Variants in LOC128092252 observed in about 807,000 individuals in gnomAD.
the LOC128092252 span, among the ~76,000 whole-genome samples, chr15:50,671,783 C>T: frequency 6.6e-6 from 1 of 151,978 alleles, no homozygotes; most frequent in African/African-American, 2.4e-5. Flanking sequence ...ACACTCCAGC[C>T]TGGGTGAGAG....
At chr15:50,681,461 G>A in the LOC128092252 span, among the ~76,000 whole-genome samples, 1 of 152,130 alleles carries the variant, frequency 6.6e-6, no homozygotes, top group East Asian at 1.9e-4. Flanking sequence ...CTAATGTATA[G>A]CCCTATCTTT....
the LOC128092252 span, chr15:50,663,025 T>C: frequency 6.2e-7 from 1 of 1,613,744 alleles, no homozygotes; most frequent in Admixed American, 1.7e-5. Context: ...GTCAAAGTGC[T>C]TTCTATCCAG....
At chr15:50,682,333 G>T in the LOC128092252 span, among the ~76,000 whole-genome samples, 1 of 151,670 alleles carries the variant, frequency 6.6e-6, no homozygotes, top group Non-Finnish European at 1.5e-5. Context: ...CACAGTCCCA[G>T]AAAAACAGGT....
the LOC128092252 span, among the ~76,000 whole-genome samples, chr15:50,676,227 G>T: frequency 6.6e-6 from 1 of 152,086 alleles, no homozygotes; most frequent in African/African-American, 2.4e-5. Context: ...CTGCCTAGAT[G>T]CTGCTAGCAA....
At chr15:50,652,869 AGAAAAGACTAGGCCGGGCACACTG>A in the LOC128092252 span, among the ~76,000 whole-genome samples, 14 of 152,166 alleles carry the variant, frequency 9.2e-5, no homozygotes, top group African/African-American at 3.1e-4. Context: ...TAGCATTACA[AGAAAAGACTAGGCCGGGCACACTG>A]GCTCGTGCCT....
chr15:50,669,349 C>A, the LOC128092252 span, among the ~76,000 whole-genome samples: 38 of 152,112 alleles, frequency 2.5e-4, no homozygotes, highest in African/African-American at 8.9e-4. Context: ...GCAGCAGAAC[C>A]ACTTGAACTC....
the LOC128092252 span, among the ~76,000 whole-genome samples, chr15:50,685,405 G>A: frequency 1.3e-5 from 2 of 152,174 alleles, no homozygotes; most frequent in South Asian, 2.1e-4. Flanking sequence ...TGCAGTGAGC[G>A]GAGATCGCGC....
chr15:50,676,195 A>G, the LOC128092252 span, among the ~76,000 whole-genome samples: 4 of 152,192 alleles, frequency 2.6e-5, no homozygotes, highest in African/African-American at 9.7e-5. Flanking sequence ...TCTCTAAACA[A>G]ATCACTACCA....
At chr15:50,679,205 TGGGCCTGTCATTTTA>T in the LOC128092252 span, among the ~76,000 whole-genome samples, 32 of 134,934 alleles carry the variant, frequency 2.4e-4, 2 homozygotes, top group African/African-American at 6.3e-4. Context: ...GTTGGTGGTA[TGGGCCTGTCATTTTA>T]GGTACTTGGG....
the LOC128092252 span, among the ~76,000 whole-genome samples, chr15:50,670,241 G>C: frequency 4.5e-4 from 68 of 152,166 alleles, no homozygotes; most frequent in African/African-American, 1.5e-3. Context: ...ATAAAAGAAG[G>C]GGGGAAACGT....
chr15:50,668,601 G>T, the LOC128092252 span, among the ~76,000 whole-genome samples: 1 of 152,120 alleles, frequency 6.6e-6, no homozygotes, highest in Admixed American at 6.6e-5. Context: ...TCTGCCTCCG[G>T]GGTCCAAGTA....
chr15:50,684,134 C>T, the LOC128092252 span, among the ~76,000 whole-genome samples: 3 of 151,550 alleles, frequency 2.0e-5, no homozygotes, highest in African/African-American at 7.3e-5. Context: ...ATGGGGATTA[C>T]TGCGCCCCAC....
chr15:50,664,559 A>T, the LOC128092252 span, among the ~76,000 whole-genome samples: 8 of 152,186 alleles, frequency 5.3e-5, no homozygotes, highest in Non-Finnish European at 1.0e-4. Context: ...AATATGATTA[A>T]CCAAATAAAA....
At chr15:50,684,655 A>G in the LOC128092252 span, among the ~76,000 whole-genome samples, 1 of 152,122 alleles carries the variant, frequency 6.6e-6, no homozygotes, top group South Asian at 2.1e-4. Flanking sequence ...AAAAGAAAAA[A>G]GAAAAAAAAA....
At chr15:50,684,559 T>C in the LOC128092252 span, among the ~76,000 whole-genome samples, 10 of 151,880 alleles carry the variant, frequency 6.6e-5, no homozygotes, top group African/African-American at 2.4e-4. Context: ...GAGAATCACT[T>C]GAACCCAGGA....
chr15:50,680,966 T>A, the LOC128092252 span, among the ~76,000 whole-genome samples: 1 of 152,132 alleles, frequency 6.6e-6, no homozygotes, highest in East Asian at 1.9e-4. Flanking sequence ...TTAATATATG[T>A]AAAGTGTCGG....
the LOC128092252 span, among the ~76,000 whole-genome samples, chr15:50,679,533 TA>T: frequency 0.024 from 1,223 of 51,598 alleles, 25 homozygotes; most frequent in Non-Finnish European, 0.026. Context: ...TATATATATA[TA>T]TATATTTTTT....
chr15:50,678,257 A>C, the LOC128092252 span, among the ~76,000 whole-genome samples: 9 of 133,482 alleles, frequency 6.7e-5, no homozygotes, highest in African/African-American at 2.3e-4. Flanking sequence ...AAAAACAAAA[A>C]CAAAAACAAA....
the LOC128092252 span, chr15:50,662,847 TA>T: frequency 2.6e-6 from 2 of 760,918 alleles, no homozygotes; most frequent in Non-Finnish European, 4.4e-6. Context: ...ACAGTAATTA[TA>T]AAAAGTAACA....
Sources: allele counts gnomAD v4.1 joint callset (sites outside exome capture counted in the v4.1 genomes callset), GRCh38; gene constraint gnomAD v4.1.1; transcripts MANE v1.5.